Variants in AGPAT3 observed in about 807,000 individuals in gnomAD.
AGPAT3 encodes 1-acylglycerol-3-phosphate O-acyltransferase 3.
AGPAT3 carries 5 observed loss-of-function variants against 47.3 expected under a neutral mutation model. The observed-to-expected ratio is 0.11, with a 90% CI of 0.06 to 0.22. AGPAT3 has a LOEUF of 0.22. Ranked by LOEUF, AGPAT3 falls within the 10% of genes least tolerant of loss-of-function variation. The probability of loss-of-function intolerance (pLI) is 1.00; values close to 1 mark genes in which losing one functional copy is unlikely to be tolerated. For missense variants in AGPAT3, 315 were observed against 493.0 expected, an observed-to-expected ratio of 0.64 and a Z score of 3.42; for synonymous variants, 212 against 208.3, an observed-to-expected ratio of 1.02 and a Z score of -0.15.
chr21:43,913,137 T>G (rs991238828), intron 2 of AGPAT3, among the ~76,000 whole-genome samples: 11 of 152,232 alleles, frequency 7.2e-5, no homozygotes, highest in Middle Eastern at 3.2e-3. Context: ...AATTTCCTCA[T>G]AGCAAACCAT....
chr21:43,949,383 C>G (rs1249241577), intron 2 of AGPAT3, among the ~76,000 whole-genome samples: 4 of 152,206 alleles, frequency 2.6e-5, no homozygotes, highest in Non-Finnish European at 5.9e-5. Flanking sequence ...CCTGGAGAAC[C>G]TCAGGTGGAA....
At chr21:43,899,052 G>C (rs372532998) in intron 1 of AGPAT3, among the ~76,000 whole-genome samples, 104 of 152,264 alleles carry the variant, frequency 6.8e-4, no homozygotes, top group Non-Finnish European at 1.1e-3. Flanking sequence ...CACACTTGCC[G>C]CTCTCTTTCC....
intron 2 of AGPAT3, among the ~76,000 whole-genome samples, chr21:43,950,038 G>A (rs1341017194): frequency 6.6e-6 from 1 of 152,230 alleles, no homozygotes; most frequent in Non-Finnish European, 1.5e-5. Context: ...AGGCAGTCTT[G>A]GAAGCCTCGT....
rs1233972728 is a variant in AGPAT3, at chr21:43,969,382, C to G, written c.510+103C>G. 4.2e-6 allele frequency: 6 copies of G among 1,427,094 alleles called. No homozygotes were observed. In the Admixed American group the frequency reaches 1.1e-4, roughly 27 times the overall value. The allele number at this position is 1,427,094 out of a possible 1,614,324, so 88.4% of individuals were successfully genotyped here. On this transcript the variant is annotated intron_variant, in intron 5 of 9. Transcript: ENST00000291572. ...CCCAGGCTGGGAAACCCCATGAGAG[C>G]CTCTGCACATGGGGTGCTGTTTCCA...
intron 1 of AGPAT3, among the ~76,000 whole-genome samples, chr21:43,884,000 G>A (rs60216010): frequency 0.3 from 45,453 of 152,068 alleles, 8,116 homozygotes; most frequent in Non-Finnish European, 0.4. Flanking sequence ...AAAGTGCTGG[G>A]ATTACAGGTG....
chr21:43,947,051 G>A (rs2087927173), intron 2 of AGPAT3: 1 of 152,354 alleles, frequency 6.6e-6, no homozygotes, highest in African/African-American at 2.4e-5. Flanking sequence ...GGAGCTCAGA[G>A]AGCTGGGGTA....
At chr21:43,917,002 A>G (rs1367862470) in intron 2 of AGPAT3, among the ~76,000 whole-genome samples, 1 of 152,100 alleles carries the variant, frequency 6.6e-6, no homozygotes, top group African/African-American at 2.4e-5. Flanking sequence ...TTCTCTAGGA[A>G]CAGTGACGGT....
chr21:43,872,983 C>T lies in AGPAT3; in HGVS notation c.-112+7638C>T, dbSNP rs115182935. 6.0e-3 allele frequency among the ~76,000 whole-genome samples: 915 copies of T among 152,354 alleles called. 6 individuals are homozygous for T. The highest frequency in any genetic ancestry group is 0.021 in the African/African-American group (859 of 41,588). ...GCAGAAACAAAACCACAGAGAGCTG[C>T]GGCCTCCCCCTGCCGGGACGGCGAA... On this transcript the variant is annotated intron_variant, in intron 1 of 9. Coordinates refer to ENST00000291572, the MANE Select transcript of AGPAT3 (RefSeq NM_020132.5).
At chr21:43,947,528 G>A (rs1213389475) in intron 2 of AGPAT3, among the ~76,000 whole-genome samples, 1 of 152,178 alleles carries the variant, frequency 6.6e-6, no homozygotes, top group Admixed American at 6.5e-5. Context: ...CTTCCATCTC[G>A]GGCCCGTCCA....
intron 2 of AGPAT3, among the ~76,000 whole-genome samples, chr21:43,909,835 C>T (rs1047328706): frequency 1.1e-4 from 17 of 152,268 alleles, no homozygotes; most frequent in Admixed American, 2.6e-4. Context: ...ACTGGGCCCC[C>T]GCCCTGAGCA....
At chr21:43,896,902 T>A (rs976184146) in intron 1 of AGPAT3, among the ~76,000 whole-genome samples, 3 of 151,726 alleles carry the variant, frequency 2.0e-5, no homozygotes, top group African/African-American at 7.3e-5. Context: ...GTAGACAGTG[T>A]ATGATTGGAG....
Position 43,930,795 on chromosome 21 carries a change from C to T in AGPAT3, c.-49+26776C>T, listed in dbSNP as rs1219096453. Among the ~76,000 whole-genome samples, 3 of 152,074 alleles carry T rather than the reference C, an allele frequency of 2.0e-5. No individual in the cohort carries two copies. The highest frequency in any genetic ancestry group is 2.9e-5 in the Non-Finnish European group (2 of 67,992). ...GGCAGGAGGTGGCTCCTCACGGTGG[C>T]CGGGGTGGCCCACGGCAGGCCAGTG... On this transcript the variant is annotated intron_variant, in intron 2 of 9. Coordinates refer to ENST00000291572, the MANE Select transcript of AGPAT3 (RefSeq NM_020132.5). This position sits in a 1 kb window ranked among gnomAD's most constrained non-coding sequence, Gnocchi z 5.0.
At chr21:43,887,518 T>G (rs1446925944) in intron 1 of AGPAT3, among the ~76,000 whole-genome samples, 2 of 152,214 alleles carry the variant, frequency 1.3e-5, no homozygotes, top group East Asian at 3.8e-4. Context: ...CTGAAATATT[T>G]GGGTATAAAG....
intron 1 of AGPAT3, among the ~76,000 whole-genome samples, chr21:43,902,685 A>T (rs1034246363): frequency 2.0e-5 from 3 of 152,178 alleles, no homozygotes; most frequent in African/African-American, 7.2e-5. Flanking sequence ...CAAATATCAC[A>T]TTAGCAGGGA....
intron 1 of AGPAT3, among the ~76,000 whole-genome samples, chr21:43,890,902 T>A (rs1217009250): frequency 2.6e-5 from 4 of 152,022 alleles, no homozygotes; most frequent in Non-Finnish European, 5.9e-5. Context: ...CACGCCTGGA[T>A]AATTTTTGTA....
chr21:43,915,002 G>A (rs1458235907), intron 2 of AGPAT3, among the ~76,000 whole-genome samples: 1 of 151,930 alleles, frequency 6.6e-6, no homozygotes, highest in Non-Finnish European at 1.5e-5. Flanking sequence ...TATTTGCATA[G>A]AGATATGCAA....
In AGPAT3 at chr21:43,952,264, G is replaced by T. The variant is rs896597111; in HGVS notation, c.-48-7370G>T. On this transcript the variant is annotated intron_variant, in intron 2 of 9. Transcript: ENST00000291572. The surrounding 1 kb of genome is among the most constrained non-coding windows in gnomAD (Gnocchi z 5.6). ...CTTCTCACCCGGGCTCTGACTGCAG[G>T]CGGTCTCCCTTTTTCATAAGGACAC... is the stretch of plus-strand genomic sequence containing the variant. Among the ~76,000 whole-genome samples, 15 of 152,170 alleles carry T rather than the reference G, an allele frequency of 9.9e-5. No homozygotes were observed. Among genetic ancestry groups the T allele is most frequent in the African/African-American group, 1.7e-4 (7 of 41,406 alleles).
intron 2 of AGPAT3, among the ~76,000 whole-genome samples, chr21:43,907,273 GC>G (rs1333625094): frequency 1.3e-5 from 2 of 152,054 alleles, no homozygotes; most frequent in East Asian, 3.9e-4. Flanking sequence ...AAGCCCATCT[GC>G]CGGCCTCGGC....
rs553622002 is a variant in AGPAT3, at chr21:43,866,466, G to C, written c.-112+1121G>C. ...TTTAAATTGCAGGCGCGGCTGCTCC[G>C]ACTCGACTCGCTTAGGAATTGCTGA... On this transcript the variant is annotated intron_variant, in intron 1 of 9. Coordinates refer to ENST00000291572, the MANE Select transcript of AGPAT3 (RefSeq NM_020132.5). Among the ~76,000 whole-genome samples, 8 of 152,286 alleles carry C rather than the reference G, an allele frequency of 5.3e-5. No homozygotes were observed. The South Asian group carries it at 1.7e-3, about 32-fold the overall frequency.
Sources: allele counts gnomAD v4.1 joint callset (sites outside exome capture counted in the v4.1 genomes callset), GRCh38; gene constraint gnomAD v4.1.1; non-coding constraint Gnocchi (gnomAD v3.1); transcripts MANE v1.5; gene names NCBI Gene and HGNC (gene_info 2026-07-23, HGNC 2026-07-21).